Variants in SLC16A10 observed in about 807,000 individuals in gnomAD.
SLC16A10 encodes the protein solute carrier family 16 member 10.
In SLC16A10, 27 loss-of-function variants were observed where a neutral mutation model predicts 40.0. The observed-to-expected ratio is 0.67, with a 90% CI of 0.50 to 0.93. The LOEUF is 0.93. Among genes scored for constraint, SLC16A10 ranks in the 40% least tolerant of loss-of-function variants. The probability of loss-of-function intolerance (pLI) is 0.00; values close to 1 mark genes in which losing one functional copy is unlikely to be tolerated. For synonymous variants in SLC16A10, 213 were observed against 249.8 expected (o/e 0.85, Z 1.39); for missense variants, 529 against 658.2 (o/e 0.80, Z 2.15).
intron 3 of SLC16A10, among the ~76,000 whole-genome samples, chr6:111,184,086 C>G (rs1405292249): frequency 6.6e-6 from 1 of 152,164 alleles, no homozygotes; most frequent in East Asian, 1.9e-4. Context: ...AATGCTCTAT[C>G]TCCAATCTGA....
At position 111,116,587 on chromosome 6, in the gene SLC16A10, A is replaced by G. The variant is rs533295355; in HGVS notation, c.343+28492A>G. ...AGGAATGGTTAAATGCTGATGACCT[A>G]CTTTATGTACTATGATGCAAATGCA... is the stretch of plus-strand genomic sequence containing the variant. On this transcript the variant is annotated intron_variant, in intron 1 of 5. Coordinates refer to ENST00000368851, the MANE Select transcript of SLC16A10 (RefSeq NM_018593.5). 1.6e-4 allele frequency among the ~76,000 whole-genome samples: 25 copies of G among 152,318 alleles called. 1 individual carries two copies. Among genetic ancestry groups the G allele is most frequent in the African/African-American group, 5.8e-4 (24 of 41,586 alleles).
chr6:111,170,174 C>T lies in SLC16A10; in HGVS notation c.344-2521C>T, dbSNP rs574516486. ...CAGGTGATCTGCCTGCCTTGATCTC[C>T]CAAAGTGCTGGGATTACAGGTGTGA... On this transcript the variant is annotated intron_variant, in intron 1 of 5. Transcript: ENST00000368851. Among the ~76,000 whole-genome samples, 5 of 152,020 alleles carry T rather than the reference C, an allele frequency of 3.3e-5. No individual in the cohort carries two copies. The South Asian group carries it at 1.0e-3, about 32-fold the overall frequency.
At chr6:111,115,505 G>A (rs1435278629) in intron 1 of SLC16A10, among the ~76,000 whole-genome samples, 5 of 152,332 alleles carry the variant, frequency 3.3e-5, no homozygotes, top group South Asian at 2.1e-4. Flanking sequence ...CACTGTGCCC[G>A]GCCTGGAAAA....
At chr6:111,157,821 A>G (rs1004902594) in intron 1 of SLC16A10, among the ~76,000 whole-genome samples, 3 of 152,072 alleles carry the variant, frequency 2.0e-5, no homozygotes, top group African/African-American at 7.2e-5. Flanking sequence ...CAAATCTCCC[A>G]TGCAGAAGAA....
intron 1 of SLC16A10, among the ~76,000 whole-genome samples, chr6:111,106,362 A>G (rs1447902190): frequency 6.6e-6 from 1 of 152,194 alleles, no homozygotes; most frequent in Non-Finnish European, 1.5e-5. Context: ...AATTTTGTAT[A>G]TGTGGTAGTT....
chr6:111,185,018 A>G (rs1275052065), intron 3 of SLC16A10, among the ~76,000 whole-genome samples: 1 of 152,222 alleles, frequency 6.6e-6, no homozygotes, highest in African/African-American at 2.4e-5. Context: ...GCAAATAGGA[A>G]CAGCATACAA....
chr6:111,120,660 T>C (rs1020663594), intron 1 of SLC16A10, among the ~76,000 whole-genome samples: 4 of 152,256 alleles, frequency 2.6e-5, no homozygotes, highest in East Asian at 1.9e-4. Context: ...ACTTTCAGCA[T>C]TGGTCCAGAT....
At chr6:111,117,514 C>G (rs1209096744) in intron 1 of SLC16A10, among the ~76,000 whole-genome samples, 2 of 152,126 alleles carry the variant, frequency 1.3e-5, no homozygotes, top group Non-Finnish European at 2.9e-5. Context: ...AATTAACATC[C>G]TCAACAGAGC....
At chr6:111,195,040 G>C (rs1200820421) in intron 3 of SLC16A10, among the ~76,000 whole-genome samples, 3 of 152,036 alleles carry the variant, frequency 2.0e-5, no homozygotes, top group Non-Finnish European at 4.4e-5. Context: ...GTCATACTCG[G>C]TGCCTCCTTT....
In SLC16A10 at chr6:111,225,281, G is replaced by A. The variant is rs354550; in HGVS notation, c.*3046G>A. 0.5 allele frequency: 76,312 copies of A among 152,000 alleles called. 19,875 individuals are homozygous for A. Among genetic ancestry groups the A allele is most frequent in the East Asian group, 0.68 (3,490 of 5,164 alleles). The allele number at this position is 152,000 out of a possible 1,614,324, so 9.4% of individuals were successfully genotyped here. On this transcript the variant is annotated 3_prime_UTR_variant, in exon 6 of 6. Coordinates refer to ENST00000368851, the MANE Select transcript of SLC16A10 (RefSeq NM_018593.5). ...ATTAAGATTCAAATTCTGGCTGGGC[G>A]CAGTGGCTCACGCTTGTAATCCCAG...
intron 1 of SLC16A10, among the ~76,000 whole-genome samples, chr6:111,128,975 TTTTTTCATA>T (rs141388712): frequency 9.1e-4 from 89 of 98,272 alleles, no homozygotes; most frequent in South Asian, 1.7e-3. Flanking sequence ...AATTGTTTTA[TTTTTTCATA>T]TTTTTCATAT....
intron 3 of SLC16A10, among the ~76,000 whole-genome samples, chr6:111,186,906 G>A (rs354524): frequency 0.54 from 82,366 of 151,864 alleles, 22,441 homozygotes; most frequent in East Asian, 0.71. Context: ...AGGGCAATGC[G>A]CACCAAATTG....
chr6:111,144,282 C>G (rs956254361), intron 1 of SLC16A10, among the ~76,000 whole-genome samples: 1 of 152,202 alleles, frequency 6.6e-6, no homozygotes, highest in Non-Finnish European at 1.5e-5. Context: ...CGGCTCACTG[C>G]AAGCTCTGCC....
chr6:111,153,795 A>G lies in SLC16A10; in HGVS notation c.344-18900A>G, dbSNP rs139860831. On this transcript the variant is annotated intron_variant, in intron 1 of 5. Transcript: ENST00000368851. ...TCATCTGCCATGTGGCAGGTTCTCA[A>G]GAAATGTTAGTTTCCCTTTCTCCTT... Among the ~76,000 whole-genome samples, 3 of 152,334 alleles carry G rather than the reference A, an allele frequency of 2.0e-5. 1 individual carries two copies. The highest frequency in any genetic ancestry group is 7.2e-5 in the African/African-American group (3 of 41,584).
At chr6:111,120,686 C>T (rs903283479) in intron 1 of SLC16A10, among the ~76,000 whole-genome samples, 1 of 152,134 alleles carries the variant, frequency 6.6e-6, no homozygotes, top group Non-Finnish European at 1.5e-5. Context: ...TCACTTATAC[C>T]ATGAGCCAGC....
At position 111,218,902 on chromosome 6, in the gene SLC16A10, T is replaced by C. The variant is rs777327140; in HGVS notation, c.1175T>C (p.Met392Thr). ...FGALIAVCLI[M>T]GLFDGCFISI... The stretch of plus-strand genomic sequence containing the variant: ...GCCCTCATTGCTGTGTGCCTCATCA[T>C]GGGTCTCTTCGATGGATGCTTCATT... Residue 392 changes from methionine to threonine, a missense_variant, in exon 5 of 6, where the codon ATG becomes ACG. Transcript: ENST00000368851. 2.5e-6 allele frequency: 4 copies of C among 1,614,042 alleles called. No homozygotes were observed. Among genetic ancestry groups the C allele is most frequent in the East Asian group, 2.2e-5 (1 of 44,882 alleles).
intron 1 of SLC16A10, among the ~76,000 whole-genome samples, chr6:111,093,242 A>G (rs949353168): frequency 1.3e-5 from 2 of 152,218 alleles, no homozygotes; most frequent in Non-Finnish European, 2.9e-5. Context: ...CAAAACATTA[A>G]AAATTAAGTA....
intron 1 of SLC16A10, among the ~76,000 whole-genome samples, chr6:111,153,237 A>T (rs972371302): frequency 6.6e-6 from 1 of 152,154 alleles, no homozygotes; most frequent in Non-Finnish European, 1.5e-5. Context: ...CTGGCAAGAA[A>T]TTATAAAAGC....
chr6:111,156,041 G>T (rs1772264103), intron 1 of SLC16A10, among the ~76,000 whole-genome samples: 1 of 152,128 alleles, frequency 6.6e-6, no homozygotes, highest in African/African-American at 2.4e-5. Flanking sequence ...CCAATAATGG[G>T]AGTATGTCAA....
Sources: gnomAD v4.1 joint callset for allele counts (sites outside exome capture counted in the v4.1 genomes callset) on GRCh38, gnomAD v4.1.1 for gene constraint, MANE v1.5 for transcripts, NCBI Gene and HGNC (gene_info 2026-07-23, HGNC 2026-07-21) for gene names.